The following SQSTM1 variants were observed in gnomAD, a reference collection of about 807,000 sequenced individuals.
SQSTM1 encodes the protein sequestosome-1.
SQSTM1 carries 36 observed loss-of-function variants against 45.1 expected under a neutral mutation model. The observed-to-expected ratio is 0.80, with a 90% CI of 0.61 to 1.05. SQSTM1 has a LOEUF of 1.05. Ranked by LOEUF, SQSTM1 falls within the 50% of genes least tolerant of loss-of-function variation. SQSTM1 has a pLI of 0.00. For missense variants in SQSTM1, 617 were observed against 607.1 expected (o/e 1.02, Z -0.17); for synonymous variants, 290 against 244.3 (o/e 1.19, Z -1.74).
intron 2 of SQSTM1, 192 bp from the exon 3 acceptor site, chr5:179,823,666 A>C: frequency 1.6e-6 from 1 of 620,396 alleles, no homozygotes; most frequent in Non-Finnish European, 2.8e-6. Context: ...CCAAACAGAC[A>C]CAGGGACTGG....
At chr5:179,811,649 A>G (rs1310438006) in exon 2 of SQSTM1, 1 of 152,168 alleles carries the variant, frequency 6.6e-6, no homozygotes, top group Non-Finnish European at 1.5e-5. Flanking sequence ...AAGTCCTACA[A>G]CAGTTTGGCG....
At chr5:179,812,880 C>G (rs1757471559) in intron 2 of SQSTM1, 1 of 152,008 alleles carries the variant, frequency 6.6e-6, no homozygotes. Context: ...TGACCAGGCC[C>G]AGCCATAGCT....
rs1758583045 is a variant in SQSTM1 at position 179,836,788 on chromosome 5, T to G, written c.*195T>G. ...GTCCCTGTGTGTGTGTGTGCTGATG[T>G]TTCCTGGGTGCCCTGGCTCCTTGCA... On this transcript the variant is annotated 3_prime_UTR_variant, in exon 8 of 8. Coordinates refer to ENST00000389805, the MANE Select transcript of SQSTM1 (RefSeq NM_003900.5). 1 of 841,468 alleles carries G rather than the reference T, an allele frequency of 1.2e-6. No homozygotes were observed. The highest frequency in any genetic ancestry group is 2.1e-5 in the Admixed American group (1 of 47,862). 52.1% of individuals were successfully genotyped at this position (841,468 alleles called of 1,614,324 possible).
upstream of SQSTM1, chr5:179,820,559 T>G: frequency 5.1e-6 from 1 of 195,814 alleles, no homozygotes. Context: ...TATTGCTGAG[T>G]CATGGCCAGG....
upstream of SQSTM1, among the ~76,000 whole-genome samples, chr5:179,814,018 C>T (rs960610137): frequency 6.6e-6 from 1 of 152,182 alleles, no homozygotes; most frequent in East Asian, 1.9e-4. Context: ...AAATGTCTAT[C>T]GGGGTGGTGG....
chr5:179,837,107 G>T lies in SQSTM1; in HGVS notation c.*514G>T. The T allele has an allele frequency of 4.0e-6, 4 of 1,007,248 alleles. No homozygotes were observed. Among genetic ancestry groups the T allele is most frequent in the South Asian group, 1.4e-5 (1 of 72,726 alleles). 62.4% of individuals were successfully genotyped at this position (1,007,248 alleles called of 1,614,324 possible). A position where few individuals can be genotyped will look rare whatever the true frequency, so the allele number is the denominator to read the frequency against. On this transcript the variant is annotated 3_prime_UTR_variant, in exon 8 of 8. Transcript: ENST00000389805. ...GCTCACGAAGGGCATCCGCAATGTTGGTTTCACTGAGAGCTGCCTCCTGGT... is the reference window on the plus strand; with the variant it reads ...GCTCACGAAGGGCATCCGCAATGTTTGTTTCACTGAGAGCTGCCTCCTGGT...
Position 179,837,099 on chromosome 5 carries a change from G to A in SQSTM1, c.*506G>A, listed in dbSNP as rs185559724. 78 of 942,408 alleles carry A rather than the reference G, an allele frequency of 8.3e-5. No individual in the cohort carries two copies. The highest frequency in any genetic ancestry group is 4.1e-4 in the Middle Eastern group (2 of 4,824). The allele number at this position is 942,408 out of a possible 1,614,324, so 58.4% of individuals were successfully genotyped here. On this transcript the variant is annotated 3_prime_UTR_variant, in exon 8 of 8. Transcript: ENST00000389805. ...CTGAGAAGGCTCACGAAGGGCATCC[G>A]CAATGTTGGTTTCACTGAGAGCTGC...
At chr5:179,830,660 G>T (rs1235869583) in intron 5 of SQSTM1, among the ~76,000 whole-genome samples, 1 of 151,956 alleles carries the variant, frequency 6.6e-6, no homozygotes, top group African/African-American at 2.4e-5. Flanking sequence ...CTGGGTTCAA[G>T]CAATTTTCTG....
chr5:179,834,165 G>GC (rs1195359138), intron 7 of SQSTM1, among the ~76,000 whole-genome samples: 6 of 139,714 alleles, frequency 4.3e-5, no homozygotes, highest in African/African-American at 8.0e-5. Context: ...GAGGGGGGGG[G>GC]GTCATAGCCA....
intron 5 of SQSTM1, among the ~76,000 whole-genome samples, chr5:179,828,363 T>TC (rs1561601376): frequency 1.4e-5 from 2 of 147,662 alleles, no homozygotes; most frequent in South Asian, 4.2e-4. Context: ...CTTTTTTTTT[T>TC]CTTATCTTTT....
In SQSTM1 at chr5:179,821,085, G is replaced by A. The variant is rs1360778763; in HGVS notation, c.149G>A (p.Arg50Gln). The change falls in exon 1 of 8, where the codon CGG becomes CAG. Residue 50 changes from arginine (R) to glutamine (Q), a missense_variant. Coordinates refer to ENST00000389805, the MANE Select transcript of SQSTM1 (RefSeq NM_003900.5). ...GPGPCERLLS[R>Q]VAALFPALRP... ...GGACCCTGCGAGCGGCTGCTGAGCC[G>A]GGTGGCCGCCCTGTTCCCCGCGCTG... The A allele has an allele frequency of 1.4e-6, 2 of 1,468,176 alleles. No homozygotes were observed. The highest frequency in any genetic ancestry group is 2.9e-5 in the East Asian group (1 of 34,066). The allele number at this position is 1,468,176 out of a possible 1,614,324, so 90.9% of individuals were successfully genotyped here.
At chr5:179,809,499 G>A (rs1344414387) in intron 1 of SQSTM1, among the ~76,000 whole-genome samples, 1 of 151,440 alleles carries the variant, frequency 6.6e-6, no homozygotes, top group African/African-American at 2.4e-5. Context: ...ACCAAGCCCG[G>A]CTAATTTTTT....
chr5:179,819,636 A>T (rs1757697335), upstream of SQSTM1, among the ~76,000 whole-genome samples: 1 of 152,154 alleles, frequency 6.6e-6, no homozygotes, highest in Non-Finnish European at 1.5e-5. Flanking sequence ...CTCTGCCAGC[A>T]CGCCCCTCTG....
Position 179,823,903 on chromosome 5 carries a change from AGGC to A in SQSTM1, c.349_351del (p.Ala117del). On this transcript the variant is annotated inframe_deletion, in exon 3 of 8. Transcript: ENST00000389805. ...GACCACCGCCCACCGTGTGCTCAGG[AGGC>A]GCCCCGCAACATGGTGCACCCCAAT... is the stretch of plus-strand genomic sequence containing the variant. 6.2e-7 allele frequency: 1 copy of A among 1,613,412 alleles called. No homozygotes were observed. The highest frequency in any genetic ancestry group is 8.5e-7 in the Non-Finnish European group (1 of 1,180,010).
chr5:179,825,434 G>A (rs1165716809), intron 5 of SQSTM1, among the ~76,000 whole-genome samples: 2 of 152,314 alleles, frequency 1.3e-5, no homozygotes, highest in East Asian at 3.9e-4. Context: ...TACATGGAGT[G>A]AAGTCGAATC....
chr5:179,819,871 C>G (rs187831520), upstream of SQSTM1, among the ~76,000 whole-genome samples: 9 of 152,184 alleles, frequency 5.9e-5, no homozygotes, highest in African/African-American at 2.2e-4. Flanking sequence ...CTGACTGGCC[C>G]CATCCAGCCA....
intron 7 of SQSTM1, among the ~76,000 whole-genome samples, chr5:179,834,264 C>G (rs1758399499): frequency 7.0e-6 from 1 of 141,978 alleles, no homozygotes. Context: ...GGACAGCTGA[C>G]AGAAACTCCT....
rs1445967201 is a variant in SQSTM1, at chr5:179,806,589, C to A, written c.-159C>A. 1 of 1,245,718 alleles carries A rather than the reference C, an allele frequency of 8.0e-7. No homozygotes were observed. Among genetic ancestry groups the A allele is most frequent in the Non-Finnish European group, 1.0e-6 (1 of 965,870 alleles). The allele number at this position is 1,245,718 out of a possible 1,614,324, so 77.2% of individuals were successfully genotyped here. On this transcript the variant is annotated splice_region_variant and 5_prime_UTR_variant, in exon 1 of 6. Coordinates refer to the SQSTM1 transcript ENST00000514093. This position sits in a 1 kb window ranked among gnomAD's most constrained non-coding sequence, Gnocchi z 4.6. The stretch of plus-strand genomic sequence containing the variant: ...GTGCCATTGCGGAGCCTCATCTCCT[C>A]GGGTGCGCGGCGGGCGCCCGCGGGG...
Position 179,823,943 on chromosome 5 carries a change from T to C in SQSTM1, c.387T>C (p.Asp129=). The change falls in exon 3 of 8, where the codon GAT becomes GAC. Residue 129 remains aspartate (D), a synonymous_variant. Transcript: ENST00000389805. ...TGGTGCACCCCAATGTGATCTGCGA[T>C]GGCTGCAATGGGCCTGTGGTAGGAA... ...RNMVHPNVIC[D]GCNGPVVGTR... is the part of the protein sequence containing the mutation. 3 of 1,614,004 alleles carry C rather than the reference T, an allele frequency of 1.9e-6. No homozygotes were observed. Among genetic ancestry groups the C allele is most frequent in the Non-Finnish European group, 2.5e-6 (3 of 1,180,034 alleles).
Sources: allele counts gnomAD v4.1 joint callset (sites outside exome capture counted in the v4.1 genomes callset), GRCh38; gene constraint gnomAD v4.1.1; non-coding constraint Gnocchi (gnomAD v3.1); transcripts MANE v1.5; gene names NCBI Gene and HGNC (gene_info 2026-07-23, HGNC 2026-07-21).